KCNIP1: variants seen among roughly 807,000 people sequenced by gnomAD.
KCNIP1 encodes potassium voltage-gated channel interacting protein 1.
KCNIP1 carries 18 observed loss-of-function variants against 33.0 expected under a neutral mutation model. That is an observed-to-expected ratio of 0.55 (90% CI 0.38 to 0.81). KCNIP1 has a LOEUF of 0.81. Ranked by LOEUF, KCNIP1 falls within the 30% of genes least tolerant of loss-of-function variation. KCNIP1 has a pLI of 0.00. For synonymous variants in KCNIP1, 93 were observed against 98.3 expected (o/e 0.95, Z 0.32); for missense variants, 238 against 271.6 (o/e 0.88, Z 0.87).
intron 1 of KCNIP1, among the ~76,000 whole-genome samples, chr5:170,689,620 G>A (rs1482723863): frequency 6.6e-6 from 1 of 152,196 alleles, no homozygotes. Context: ...TTTTAAATGG[G>A]TTTTGAAGGA....
intron 1 of KCNIP1, among the ~76,000 whole-genome samples, chr5:170,534,859 G>T (rs1755917985): frequency 6.6e-6 from 1 of 151,178 alleles, no homozygotes; most frequent in East Asian, 2.0e-4. Flanking sequence ...AGAGGCTACA[G>T]ACAAGACTGA....
At chr5:170,657,575 G>A (rs1397510364) in intron 1 of KCNIP1, among the ~76,000 whole-genome samples, 3 of 152,160 alleles carry the variant, frequency 2.0e-5, no homozygotes, top group Non-Finnish European at 4.4e-5. Context: ...AGGATAGACA[G>A]CTTCCCCCAT....
intron 1 of KCNIP1, among the ~76,000 whole-genome samples, chr5:170,418,974 A>C (rs997240423): frequency 2.0e-5 from 3 of 152,220 alleles, no homozygotes; most frequent in African/African-American, 7.2e-5. Context: ...CCTCGCTAAG[A>C]CGATATTTTC....
chr5:170,358,271 G>C (rs954942331), intron 1 of KCNIP1, among the ~76,000 whole-genome samples: 1 of 152,222 alleles, frequency 6.6e-6, no homozygotes, highest in Non-Finnish European at 1.5e-5. Flanking sequence ...GGCTGCGGGG[G>C]TGGGGAAAAG....
At chr5:170,702,397 A>G (rs1763127381) in intron 1 of KCNIP1, among the ~76,000 whole-genome samples, 1 of 152,190 alleles carries the variant, frequency 6.6e-6, no homozygotes, top group African/African-American at 2.4e-5. Flanking sequence ...GAGAAAAGCC[A>G]CACGCTCTGT....
intron 1 of KCNIP1, among the ~76,000 whole-genome samples, chr5:170,487,638 C>G (rs1457741304): frequency 6.6e-6 from 1 of 151,920 alleles, no homozygotes; most frequent in Non-Finnish European, 1.5e-5. Context: ...CCTCCCACCT[C>G]AGCCCCTCGA....
chr5:170,402,385 A>G (rs188838436), intron 1 of KCNIP1, among the ~76,000 whole-genome samples: 1 of 152,214 alleles, frequency 6.6e-6, no homozygotes. Flanking sequence ...AACCACCCCA[A>G]GGTTTTAATG....
chr5:170,354,438 C>T (rs1026591436), intron 1 of KCNIP1, among the ~76,000 whole-genome samples: 3 of 152,170 alleles, frequency 2.0e-5, no homozygotes, highest in East Asian at 3.9e-4. Context: ...CTTCAGAAAC[C>T]GGATCAGCTC....
At position 170,504,536 on chromosome 5, in the gene KCNIP1, G is replaced by A; in HGVS notation, c.-37G>A. 6.2e-7 allele frequency: 1 copy of A among 1,611,628 alleles called. No individual in the cohort carries two copies. Among genetic ancestry groups the A allele is most frequent in the Non-Finnish European group, 8.5e-7 (1 of 1,179,942 alleles). On this transcript the variant is annotated 5_prime_UTR_variant, in exon 1 of 8. Transcript: ENST00000328939. This position sits in a 1 kb window ranked among gnomAD's most constrained non-coding sequence, Gnocchi z 6.0. The stretch of plus-strand genomic sequence containing the variant: ...CTTTCCAGGGTAGGGGAGGGGCCGG[G>A]CCCGGGGTCCCAACTCGCACTCAAG...
intron 1 of KCNIP1, among the ~76,000 whole-genome samples, chr5:170,482,857 T>C (rs1166005810): frequency 6.6e-6 from 1 of 152,178 alleles, no homozygotes; most frequent in African/African-American, 2.4e-5. Context: ...TGTTTAGAGG[T>C]ATGAGTTTGG....
At chr5:170,492,126 CA>C (rs1352715671) in intron 1 of KCNIP1, among the ~76,000 whole-genome samples, 1 of 152,216 alleles carries the variant, frequency 6.6e-6, no homozygotes, top group Admixed American at 6.5e-5. Context: ...CCTCGTCCCA[CA>C]AAACTGCCCC....
chr5:170,457,583 G>C (rs915617446), intron 1 of KCNIP1, among the ~76,000 whole-genome samples: 1 of 152,206 alleles, frequency 6.6e-6, no homozygotes, highest in Non-Finnish European at 1.5e-5. Flanking sequence ...GCTAGATCCA[G>C]AAGAGAGATA....
intron 1 of KCNIP1, among the ~76,000 whole-genome samples, chr5:170,506,325 A>G (rs1754716504): frequency 6.6e-6 from 1 of 152,070 alleles, no homozygotes; most frequent in Non-Finnish European, 1.5e-5. Context: ...TTCGTATGCT[A>G]CTTCCCGGAG....
intron 1 of KCNIP1, among the ~76,000 whole-genome samples, chr5:170,469,505 C>T (rs1339687427): frequency 6.6e-6 from 1 of 152,180 alleles, no homozygotes. Context: ...GGGGTGTGGC[C>T]TCATGCCTCC....
chr5:170,527,252 A>G (rs1406361721), intron 1 of KCNIP1, among the ~76,000 whole-genome samples: 1 of 152,202 alleles, frequency 6.6e-6, no homozygotes, highest in Non-Finnish European at 1.5e-5. Context: ...CAGAAGTTAA[A>G]TTAAACTATG....
intron 1 of KCNIP1, among the ~76,000 whole-genome samples, chr5:170,432,199 C>T (rs1422095520): frequency 2.0e-5 from 3 of 152,138 alleles, no homozygotes; most frequent in Non-Finnish European, 4.4e-5. Context: ...AAAGCCTGAG[C>T]TCCCAGCAGC....
chr5:170,677,206 T>A lies in KCNIP1; in HGVS notation c.62-41552T>A, dbSNP rs544448262. Among the ~76,000 whole-genome samples the A allele has an allele frequency of 2.0e-5, 3 of 152,328 alleles. No homozygotes were observed. In the East Asian group the frequency reaches 5.8e-4, roughly 29 times the overall value. On this transcript the variant is annotated intron_variant, in intron 1 of 7. Transcript: ENST00000328939. Reference sequence around the variant, plus strand: ...CTCTATGAAGTACATACTGTGAATGTCTCTGTTTTACAGGTGAGAAAACTT... The same window carrying A: ...CTCTATGAAGTACATACTGTGAATGACTCTGTTTTACAGGTGAGAAAACTT...
chr5:170,437,331 T>C (rs1261473438), intron 1 of KCNIP1, among the ~76,000 whole-genome samples: 1 of 152,218 alleles, frequency 6.6e-6, no homozygotes. Flanking sequence ...TTCCTTCTTC[T>C]GTGGTTTTCT....
At position 170,683,889 on chromosome 5, in the gene KCNIP1, A is replaced by AGTGTGTGTGT. The variant is rs756936341; in HGVS notation, c.62-34865_62-34864insGTGTGTGTGT. On this transcript the variant is annotated intron_variant, in intron 1 of 7. Transcript: ENST00000328939. ...CAGGCATACACCACTATGCCCAGCTAGTGTATGTGTGTGTGTGTGTGTGTG... is the reference window on the plus strand; with the variant it reads ...CAGGCATACACCACTATGCCCAGCTAGTGTGTGTGTGTGTATGTGTGTGTGTGTGTGTGTG... 2.9e-3 allele frequency among the ~76,000 whole-genome samples: 361 copies of AGTGTGTGTGT among 124,676 alleles called. 4 individuals are homozygous for AGTGTGTGTGT. Among genetic ancestry groups the AGTGTGTGTGT allele is most frequent in the African/African-American group, 7.7e-3 (280 of 36,318 alleles). 81.8% of individuals were successfully genotyped at this position (124,676 alleles called of 152,430 possible).
Sources: allele counts gnomAD v4.1 joint callset (sites outside exome capture counted in the v4.1 genomes callset), GRCh38; gene constraint gnomAD v4.1.1; non-coding constraint Gnocchi (gnomAD v3.1); transcripts MANE v1.5; gene names NCBI Gene and HGNC (gene_info 2026-07-23, HGNC 2026-07-21).